SLC6A11: variants seen among roughly 807,000 people sequenced by gnomAD.
SLC6A11 encodes the protein sodium- and chloride-dependent GABA transporter 3.
In SLC6A11, 25 loss-of-function variants were observed where a neutral mutation model predicts 74.8. That is an observed-to-expected ratio of 0.33 (90% CI 0.24 to 0.47). The LOEUF (loss-of-function observed/expected upper bound fraction) is 0.47, where lower values mean the gene tolerates loss of function less well. Among genes scored for constraint, SLC6A11 ranks in the 20% least tolerant of loss-of-function variants. SLC6A11 has a pLI of 1.00. For missense variants in SLC6A11, 574 were observed against 837.0 expected, an observed-to-expected ratio of 0.69 and a Z score of 3.88; for synonymous variants, 330 against 330.2, an observed-to-expected ratio of 1.00 and a Z score of 0.01.
chr3:10,921,058 G>A (rs1453355538), intron 8 of SLC6A11, among the ~76,000 whole-genome samples: 3 of 152,160 alleles, frequency 2.0e-5, no homozygotes, highest in Non-Finnish European at 4.4e-5. Context: ...AGAACACTTC[G>A]GAGACTGAGC....
At chr3:10,851,519 T>C (rs186650920) in intron 5 of SLC6A11, among the ~76,000 whole-genome samples, 19 of 152,116 alleles carry the variant, frequency 1.2e-4, no homozygotes, top group African/African-American at 7.2e-5. Flanking sequence ...AGTAGAGGAA[T>C]TGGAGGTGGC....
chr3:10,918,587 A>C lies in SLC6A11; in HGVS notation c.1120+134A>C. 1 of 931,994 alleles carries C rather than the reference A, an allele frequency of 1.1e-6. No individual in the cohort carries two copies. Among genetic ancestry groups the C allele is most frequent in the Non-Finnish European group, 1.5e-6 (1 of 651,850 alleles). The allele number at this position is 931,994 out of a possible 1,614,324, so 57.7% of individuals were successfully genotyped here. On this transcript the variant is annotated intron_variant, in intron 8 of 13. Transcript: ENST00000254488. The surrounding 1 kb of genome is among the most constrained non-coding windows in gnomAD (Gnocchi z 4.5). ...GCCTCAGAAAGGGGCCCCACCATTC[A>C]TCCACAATCCAGGATCCTGGGAATT...
rs190617813 is a variant in SLC6A11 at position 10,874,691 on chromosome 3, C to G, written c.757-270C>G. ...ATGCCCCATTTCCCCCCTCCCAGTTCCCCACAACTGCCATCCCACTCTTTG... is the reference window on the plus strand; with the variant it reads ...ATGCCCCATTTCCCCCCTCCCAGTTGCCCACAACTGCCATCCCACTCTTTG... On this transcript the variant is annotated intron_variant, in intron 5 of 13. Coordinates refer to ENST00000254488, the MANE Select transcript of SLC6A11 (RefSeq NM_014229.3). Among the ~76,000 whole-genome samples the G allele has an allele frequency of 5.3e-3, 801 of 152,268 alleles. 23 individuals carry two copies. Among genetic ancestry groups the G allele is most frequent in the Admixed American group, 0.043 (665 of 15,294 alleles).
intron 4 of SLC6A11, among the ~76,000 whole-genome samples, chr3:10,831,910 A>G (rs534180717): frequency 6.6e-6 from 1 of 152,282 alleles, no homozygotes; most frequent in Admixed American, 6.5e-5. Flanking sequence ...TGCTTTCTGA[A>G]TGGTTCATCA....
intron 5 of SLC6A11, among the ~76,000 whole-genome samples, chr3:10,857,396 T>C (rs879887977): frequency 3.3e-5 from 5 of 152,008 alleles, no homozygotes; most frequent in Admixed American, 3.3e-4. Context: ...TGGGGAGCCA[T>C]TGATGTTCCT....
intron 5 of SLC6A11, among the ~76,000 whole-genome samples, chr3:10,871,214 A>C (rs900531024): frequency 6.6e-6 from 1 of 152,242 alleles, no homozygotes; most frequent in Non-Finnish European, 1.5e-5. Context: ...CCACTGGCTC[A>C]GTCTACCCAG....
At chr3:10,858,219 A>G (rs1227930233) in intron 5 of SLC6A11, among the ~76,000 whole-genome samples, 1 of 152,216 alleles carries the variant, frequency 6.6e-6, no homozygotes, top group Non-Finnish European at 1.5e-5. Flanking sequence ...TACTGAATTA[A>G]AGAGACAGCC....
At chr3:10,888,089 A>G (rs1424880152) in intron 6 of SLC6A11, among the ~76,000 whole-genome samples, 1 of 152,234 alleles carries the variant, frequency 6.6e-6, no homozygotes, top group African/African-American at 2.4e-5. Context: ...AAGCTCATCA[A>G]TGAAGAGTAT....
intron 10 of SLC6A11, among the ~76,000 whole-genome samples, chr3:10,932,639 G>GCT (rs1695703972): frequency 6.6e-6 from 1 of 152,214 alleles, no homozygotes; most frequent in African/African-American, 2.4e-5. Context: ...AGGAGGGACT[G>GCT]TGGGAAGGGA....
chr3:10,864,440 A>T (rs1421976567), intron 5 of SLC6A11, among the ~76,000 whole-genome samples: 1 of 151,766 alleles, frequency 6.6e-6, no homozygotes, highest in African/African-American at 2.4e-5. Context: ...CCCTCAATGG[A>T]GAGCCCCCAA....
intron 5 of SLC6A11, among the ~76,000 whole-genome samples, chr3:10,873,996 T>TACGCTACGCTACGCTACGCTACGCTAC (rs1559567293): frequency 2.7e-4 from 35 of 128,564 alleles, no homozygotes; most frequent in Admixed American, 4.3e-4. Context: ...CGCTACGCTA[T>TACGCTACGCTACGCTACGCTACGCTAC]GCTATGCTAT....
rs1276387018 is a variant in SLC6A11, at chr3:10,940,419, A to G, written c.*2017A>G. On this transcript the variant is annotated 3_prime_UTR_variant, in exon 14 of 14. Coordinates refer to ENST00000254488, the MANE Select transcript of SLC6A11 (RefSeq NM_014229.3). Reference sequence around the variant, plus strand: ...GTGGCTAACGCTTGACTCACTTAACACTACTCATGGGGCAGGGCGGAGGGT... The same window carrying G: ...GTGGCTAACGCTTGACTCACTTAACGCTACTCATGGGGCAGGGCGGAGGGT... 2 of 149,338 alleles carry G rather than the reference A, an allele frequency of 1.3e-5. No homozygotes were observed. Among genetic ancestry groups the G allele is most frequent in the Non-Finnish European group, 3.0e-5 (2 of 67,670 alleles). The allele number at this position is 149,338 out of a possible 1,614,324, so 9.3% of individuals were successfully genotyped here. A position where few individuals can be genotyped will look rare whatever the true frequency, so the allele number is the denominator to read the frequency against.
At chr3:10,828,434 AATTG>A (rs922157442) in intron 4 of SLC6A11, among the ~76,000 whole-genome samples, 13 of 152,146 alleles carry the variant, frequency 8.5e-5, no homozygotes, top group African/African-American at 3.1e-4. Context: ...TGAATGTTTT[AATTG>A]ATTTTCTTTG....
At chr3:10,895,178 T>C (rs930783750) in intron 6 of SLC6A11, among the ~76,000 whole-genome samples, 4 of 152,196 alleles carry the variant, frequency 2.6e-5, no homozygotes, top group African/African-American at 9.6e-5. Flanking sequence ...TTTCTGCTGC[T>C]GAGATAATGC....
intron 5 of SLC6A11, among the ~76,000 whole-genome samples, chr3:10,867,415 G>T (rs1694778997): frequency 6.6e-6 from 1 of 152,208 alleles, no homozygotes. Flanking sequence ...AGTGGGGAAA[G>T]AACCTACTCA....
intron 3 of SLC6A11, among the ~76,000 whole-genome samples, chr3:10,821,890 G>GA (rs1694142821): frequency 6.6e-6 from 1 of 152,064 alleles, no homozygotes; most frequent in Non-Finnish European, 1.5e-5. Flanking sequence ...CCTCTCTCCA[G>GA]AAAAAGGCAC....
At chr3:10,821,379 C>G (rs1054504416) in intron 3 of SLC6A11, among the ~76,000 whole-genome samples, 1 of 152,196 alleles carries the variant, frequency 6.6e-6, no homozygotes, top group South Asian at 2.1e-4. Flanking sequence ...GGAAAAAGAC[C>G]AGAAAGGTTT....
At chr3:10,836,941 A>G (rs1345388111) in intron 4 of SLC6A11, among the ~76,000 whole-genome samples, 2 of 152,266 alleles carry the variant, frequency 1.3e-5, no homozygotes, top group African/African-American at 4.8e-5. Context: ...AATAGAGAAT[A>G]GTTGGGACAG....
At chr3:10,905,769 T>A (rs1309399420) in intron 6 of SLC6A11, among the ~76,000 whole-genome samples, 1 of 152,186 alleles carries the variant, frequency 6.6e-6, no homozygotes, top group Non-Finnish European at 1.5e-5. Context: ...AGACATCCCA[T>A]GGTTCTTCAT....
Sources: allele counts gnomAD v4.1 joint callset (sites outside exome capture counted in the v4.1 genomes callset), GRCh38; gene constraint gnomAD v4.1.1; non-coding constraint Gnocchi (gnomAD v3.1); transcripts MANE v1.5; gene names NCBI Gene and HGNC (gene_info 2026-07-23, HGNC 2026-07-21).